Variants in CTNNA2 observed in about 807,000 individuals in gnomAD.
The protein encoded by CTNNA2 is catenin alpha 2, also known as catenin alpha-2.
Under a neutral mutation model 101.0 loss-of-function variants are expected in CTNNA2, and 42 were observed. That is an observed-to-expected ratio of 0.42 (90% CI 0.32 to 0.54). The LOEUF is 0.54. Among genes scored for constraint, CTNNA2 ranks in the 20% least tolerant of loss-of-function variants. CTNNA2 has a pLI of 0.14. For missense variants in CTNNA2, 871 were observed against 1,223.1 expected (o/e 0.71, Z 4.29); for synonymous variants, 450 against 456.4 (o/e 0.99, Z 0.18).
At chr2:80,242,692 C>G (rs899095525) in intron 7 of CTNNA2, among the ~76,000 whole-genome samples, 1 of 152,188 alleles carries the variant, frequency 6.6e-6, no homozygotes, top group African/African-American at 2.4e-5. Flanking sequence ...TGGCATTTCC[C>G]ACTCAGAGTT....
intron 2 of CTNNA2, among the ~76,000 whole-genome samples, chr2:79,704,715 G>A (rs370182593): frequency 1.5e-3 from 225 of 151,834 alleles, no homozygotes; most frequent in African/African-American, 5.1e-3. Context: ...GGGTTTCACC[G>A]TGTTAGCCAG....
intron 7 of CTNNA2, among the ~76,000 whole-genome samples, chr2:80,012,475 T>C (rs777116479): frequency 6.6e-6 from 1 of 152,132 alleles, no homozygotes; most frequent in Non-Finnish European, 1.5e-5. Context: ...CCCACCAAAG[T>C]ACCTTTCTAT....
chr2:79,290,019 A>G (rs1170343972), intron 2 of CTNNA2, among the ~76,000 whole-genome samples: 3 of 152,130 alleles, frequency 2.0e-5, no homozygotes, highest in African/African-American at 7.2e-5. Context: ...TTGAGATGCT[A>G]TGTGCAAGTG....
intron 18 of CTNNA2, among the ~76,000 whole-genome samples, chr2:80,644,975 CTG>C (rs1339064326): frequency 6.6e-6 from 1 of 152,138 alleles, no homozygotes; most frequent in African/African-American, 2.4e-5. Context: ...AAAATGGAAT[CTG>C]TGGTAAAAAT....
At chr2:79,774,989 C>T (rs1673858362) in intron 3 of CTNNA2, among the ~76,000 whole-genome samples, 1 of 152,006 alleles carries the variant, frequency 6.6e-6, no homozygotes, top group Non-Finnish European at 1.5e-5. Flanking sequence ...TAAAGCCATC[C>T]CTTTATGATT....
chr2:80,431,373 ACAGATCACTTT>A, intron 9 of CTNNA2, among the ~76,000 whole-genome samples: 1 of 152,122 alleles, frequency 6.6e-6, no homozygotes, highest in Non-Finnish European at 1.5e-5. Context: ...GTGTGTGTGG[ACAGATCACTTT>A]AATCCTCTGA....
chr2:80,522,596 C>G (rs771549204), intron 9 of CTNNA2, among the ~76,000 whole-genome samples: 1 of 151,868 alleles, frequency 6.6e-6, no homozygotes, highest in Non-Finnish European at 1.5e-5. Context: ...AATTGTAATC[C>G]CCAGTGTTGA....
chr2:79,343,145 C>T (rs1211987726), intron 3 of CTNNA2, among the ~76,000 whole-genome samples: 1 of 151,722 alleles, frequency 6.6e-6, no homozygotes, highest in Non-Finnish European at 1.5e-5. Context: ...AATGAAGATA[C>T]AATAAATAAA....
chr2:79,226,102 C>T (rs566237600), intron 2 of CTNNA2, among the ~76,000 whole-genome samples: 1 of 152,288 alleles, frequency 6.6e-6, no homozygotes, highest in African/African-American at 2.4e-5. Context: ...GCTCTCTACA[C>T]ATGTGGAGCC....
chr2:79,418,386 A>G (rs1236830918), intron 4 of CTNNA2, among the ~76,000 whole-genome samples: 1 of 152,096 alleles, frequency 6.6e-6, no homozygotes. Context: ...TATCACTTAA[A>G]CTGTAAACTA....
chr2:79,599,246 C>A (rs1677394709), intron 1 of CTNNA2, among the ~76,000 whole-genome samples: 1 of 152,218 alleles, frequency 6.6e-6, no homozygotes, highest in African/African-American at 2.4e-5. Flanking sequence ...AATTCTCTGA[C>A]TTTATTCTTC....
rs546475121 is a variant in CTNNA2, at chr2:80,098,335, G to A, written c.1056+188538G>A. 2.2e-3 allele frequency among the ~76,000 whole-genome samples: 329 copies of A among 151,014 alleles called. 1 individual carries two copies. Among genetic ancestry groups the A allele is most frequent in the African/African-American group, 7.5e-3 (310 of 41,168 alleles). ...GCAGAACAGCGGATATTGGTGAACC[G>A]CAAATGCTGCTGCCTGATCGTTCCT... On this transcript the variant is annotated intron_variant, in intron 7 of 18. Transcript: ENST00000402739.
At chr2:80,477,403 A>G (rs779493299) in intron 9 of CTNNA2, among the ~76,000 whole-genome samples, 16 of 152,108 alleles carry the variant, frequency 1.1e-4, no homozygotes, top group Non-Finnish European at 1.9e-4. Flanking sequence ...GTCATTTTTC[A>G]TTATAAGGAT....
intron 7 of CTNNA2, among the ~76,000 whole-genome samples, chr2:80,032,277 C>T (rs1558744712): frequency 1.3e-5 from 2 of 151,954 alleles, no homozygotes; most frequent in Non-Finnish European, 2.9e-5. Flanking sequence ...AACCTGTTGG[C>T]CATAATAAAA....
intron 15 of CTNNA2, among the ~76,000 whole-genome samples, chr2:80,599,463 G>A (rs138746539): frequency 6.6e-6 from 1 of 152,236 alleles, no homozygotes; most frequent in African/African-American, 2.4e-5. Flanking sequence ...TTATTCTTCA[G>A]CTACCAGTAA....
chr2:79,867,432 C>T (rs953114024), intron 4 of CTNNA2, among the ~76,000 whole-genome samples: 3 of 152,104 alleles, frequency 2.0e-5, no homozygotes, highest in African/African-American at 7.2e-5. Context: ...TCTCATCTAT[C>T]TACTAGTAGT....
At chr2:79,285,220 AT>A (rs1225769874) in intron 2 of CTNNA2, among the ~76,000 whole-genome samples, 1 of 150,150 alleles carries the variant, frequency 6.7e-6, no homozygotes, top group Non-Finnish European at 1.5e-5. Flanking sequence ...GGATTCATTA[AT>A]TTTTTGAAGG....
intron 6 of CTNNA2, among the ~76,000 whole-genome samples, chr2:79,907,523 C>T (rs1685506332): frequency 6.6e-6 from 1 of 152,070 alleles, no homozygotes; most frequent in Non-Finnish European, 1.5e-5. Flanking sequence ...CTCAGCTTTC[C>T]TTTGGGACTT....
Position 80,496,385 on chromosome 2 carries a change from T to A in CTNNA2, c.1291-48597T>A, listed in dbSNP as rs185416618. Among the ~76,000 whole-genome samples, 174 of 144,588 alleles carry A rather than the reference T, an allele frequency of 1.2e-3. 1 individual carries two copies. Among genetic ancestry groups the A allele is most frequent in the Non-Finnish European group, 2.1e-3 (138 of 67,164 alleles). 94.9% of individuals were successfully genotyped at this position (144,588 alleles called of 152,430 possible). A position where few individuals can be genotyped will look rare whatever the true frequency, so the allele number is the denominator to read the frequency against. ...CAAGGCACTAATTAAGTATTAGTCTTCTTCACTGTCTTTTTTTTTTTTTTT... is the reference window on the plus strand; with the variant it reads ...CAAGGCACTAATTAAGTATTAGTCTACTTCACTGTCTTTTTTTTTTTTTTT... On this transcript the variant is annotated intron_variant, in intron 9 of 18. Coordinates refer to ENST00000402739, the MANE Select transcript of CTNNA2 (RefSeq NM_001282597.3).
Sources: allele counts gnomAD v4.1 joint callset (sites outside exome capture counted in the v4.1 genomes callset), GRCh38; gene constraint gnomAD v4.1.1; transcripts MANE v1.5; gene names NCBI Gene and HGNC (gene_info 2026-07-23, HGNC 2026-07-21).